Variants in ZNF236 observed in about 807,000 individuals in gnomAD.
The protein encoded by ZNF236 is regulated by glucose.
A neutral mutation model predicts 191.2 loss-of-function variants in ZNF236; 50 were observed. The ratio of observed to expected loss-of-function variants is 0.26; its 90% CI spans 0.21 to 0.33. The LOEUF (loss-of-function observed/expected upper bound fraction) is 0.33, where lower values mean the gene tolerates loss of function less well. Among genes scored for constraint, ZNF236 ranks in the 10% least tolerant of loss-of-function variants. The pLI is 1.00. For missense variants in ZNF236, 1,754 were observed against 2,374.5 expected, an observed-to-expected ratio of 0.74 and a Z score of 5.43; for synonymous variants, 907 against 928.8, an observed-to-expected ratio of 0.98 and a Z score of 0.43.
rs1438069246 is a variant in ZNF236, at chr18:76,880,016, C to T, written c.985-97C>T. ...TTAGGATACTCTTAGATTTTAACAC[C>T]CTTAAGGAGGGTATTGCCTGTTTTT... On this transcript the variant is annotated intron_variant, in intron 7 of 30. Coordinates refer to ENST00000320610, the MANE Select transcript of ZNF236 (RefSeq NM_001306089.2). The surrounding 1 kb of genome is among the most constrained non-coding windows in gnomAD (Gnocchi z 5.0). 2.7e-6 allele frequency: 3 copies of T among 1,112,182 alleles called. No individual in the cohort carries two copies. The highest frequency in any genetic ancestry group is 2.7e-5 in the Admixed American group (1 of 37,714). The allele number at this position is 1,112,182 out of a possible 1,614,324, so 68.9% of individuals were successfully genotyped here. A position where few individuals can be genotyped will look rare whatever the true frequency, so the allele number is the denominator to read the frequency against.
intron 10 of ZNF236, among the ~76,000 whole-genome samples, chr18:76,896,098 A>G (rs1368915472): frequency 6.6e-6 from 1 of 150,712 alleles, no homozygotes; most frequent in African/African-American, 2.4e-5. Context: ...GGTACCGCAC[A>G]CAGTTACCAA....
chr18:76,936,151 CGT>C (rs34003753), intron 25 of ZNF236: 173,054 of 451,272 alleles, frequency 0.38, 34,300 homozygotes, highest in East Asian at 0.53. Context: ...CTGACAGGCG[CGT>C]GTTTCTTTTG....
Position 76,919,716 on chromosome 18 carries a change from T to A in ZNF236, c.3275-60T>A, listed in dbSNP as rs1379029033. On this transcript the variant is annotated intron_variant, in intron 19 of 30. Transcript: ENST00000320610. This position sits in a 1 kb window ranked among gnomAD's most constrained non-coding sequence, Gnocchi z 5.3. ...CATACCTATTTAGTTTTAATTGTTT[T>A]GCTAAAAACCTAGGTTTTCTTCATT... 1 of 1,578,624 alleles carries A rather than the reference T, an allele frequency of 6.3e-7. No individual in the cohort carries two copies. Among genetic ancestry groups the A allele is most frequent in the African/African-American group, 1.4e-5 (1 of 73,672 alleles).
chr18:76,927,615 T>G lies in ZNF236; in HGVS notation c.4414+98T>G, dbSNP rs1358087790. On this transcript the variant is annotated intron_variant, in intron 24 of 30. Coordinates refer to ENST00000320610, the MANE Select transcript of ZNF236 (RefSeq NM_001306089.2). This position sits in a 1 kb window ranked among gnomAD's most constrained non-coding sequence, Gnocchi z 5.4. The stretch of plus-strand genomic sequence containing the variant: ...TTTAGGATGTTATGATGTCATTTTC[T>G]TCTCTTTGTAGAAGAGAATAAATCA... 1 of 1,452,840 alleles carries G rather than the reference T, an allele frequency of 6.9e-7. No homozygotes were observed. Among genetic ancestry groups the G allele is most frequent in the Non-Finnish European group, 9.2e-7 (1 of 1,087,738 alleles). 90.0% of individuals were successfully genotyped at this position (1,452,840 alleles called of 1,614,324 possible). A position where few individuals can be genotyped will look rare whatever the true frequency, so the allele number is the denominator to read the frequency against.
Position 76,892,410 on chromosome 18 carries a change from A to T in ZNF236, c.1418-2603A>T, listed in dbSNP as rs540912552. ...TAGTGGACTTTTCTCCCTGACTTTA[A>T]TATATTTTTCTATTAAGTTGAATGT... is the stretch of plus-strand genomic sequence containing the variant. On this transcript the variant is annotated intron_variant, in intron 9 of 30. Coordinates refer to ENST00000320610, the MANE Select transcript of ZNF236 (RefSeq NM_001306089.2). 1.5e-3 allele frequency among the ~76,000 whole-genome samples: 225 copies of T among 151,814 alleles called. 1 individual carries two copies. Among genetic ancestry groups the T allele is most frequent in the African/African-American group, 4.9e-3 (205 of 41,494 alleles).
intron 27 of ZNF236, among the ~76,000 whole-genome samples, chr18:76,948,079 C>T (rs527818772): frequency 2.6e-5 from 4 of 152,022 alleles, no homozygotes; most frequent in South Asian, 4.2e-4. Context: ...CGTGTGTGTG[C>T]GCGCGCGTGT....
rs1454219576 is a variant in ZNF236 at position 76,849,635 on chromosome 18, A to G, written c.165A>G (p.Gln55=). ...LLSFPKESQF[Q]RHMRDHERND... is the part of the protein sequence containing the mutation. ...CTTTTCCAAAAGAATCCCAGTTTCAACGCCACATGAGGGATCACGAGCGAA... is the reference window on the plus strand; with the variant it reads ...CTTTTCCAAAAGAATCCCAGTTTCAGCGCCACATGAGGGATCACGAGCGAA... The change falls in exon 2 of 31, where the codon CAA becomes CAG. Residue 55 remains glutamine, a synonymous_variant. Transcript: ENST00000320610. 2.5e-6 allele frequency: 4 copies of G among 1,608,814 alleles called. No individual in the cohort carries two copies. Among genetic ancestry groups the G allele is most frequent in the African/African-American group, 2.7e-5 (2 of 74,786 alleles).
chr18:76,905,028 C>T (rs993320915), intron 12 of ZNF236, 127 bp from the exon 13 acceptor site: 75 of 1,031,002 alleles, frequency 7.3e-5, no homozygotes, highest in Middle Eastern at 3.1e-4. Flanking sequence ...TGGAGAGCTC[C>T]GGCATTGCTG....
rs371089305 is a variant in ZNF236, at chr18:76,852,076, T to G, written c.363+137T>G. ...TTCAAGGAGTGAATTGTCATTAGAT[T>G]TGCCTTGACACCAGTTGACTGATAA... On this transcript the variant is annotated intron_variant, in intron 3 of 30. Coordinates refer to ENST00000320610, the MANE Select transcript of ZNF236 (RefSeq NM_001306089.2). 1.1e-3 allele frequency: 982 copies of G among 864,876 alleles called. 21 individuals are homozygous for G. In the South Asian group the frequency reaches 0.018, roughly 16 times the overall value. The allele number at this position is 864,876 out of a possible 1,614,324, so 53.6% of individuals were successfully genotyped here.
chr18:76,905,856 T>G (rs936672568), intron 13 of ZNF236, among the ~76,000 whole-genome samples: 11 of 152,248 alleles, frequency 7.2e-5, no homozygotes, highest in African/African-American at 2.7e-4. Flanking sequence ...TTTTAGATAT[T>G]CCATAAACTT....
intron 1 of ZNF236, among the ~76,000 whole-genome samples, chr18:76,846,454 G>A (rs1168198444): frequency 6.6e-6 from 1 of 152,228 alleles, no homozygotes; most frequent in Admixed American, 6.5e-5. Context: ...AGGTGTCAGG[G>A]TGGAAGGTGC....
Position 76,959,836 on chromosome 18 carries a change from T to C in ZNF236, c.5242+20T>C. 6.2e-7 allele frequency: 1 copy of C among 1,609,820 alleles called. No individual in the cohort carries two copies. Among genetic ancestry groups the C allele is most frequent in the Non-Finnish European group, 8.5e-7 (1 of 1,177,332 alleles). ...ATACAGGTAACGGGGAAGGACGTGC[T>C]TTTGTTTCCTTACTCTTTGAAGTAG... On this transcript the variant is annotated intron_variant, in intron 29 of 30. Coordinates refer to ENST00000320610, the MANE Select transcript of ZNF236 (RefSeq NM_001306089.2).
At chr18:76,933,110 C>T (rs1020857359) in intron 25 of ZNF236, among the ~76,000 whole-genome samples, 2 of 152,196 alleles carry the variant, frequency 1.3e-5, no homozygotes, top group Non-Finnish European at 2.9e-5. Context: ...TCTGTATAAA[C>T]AGCAACATAC....
intron 9 of ZNF236, among the ~76,000 whole-genome samples, chr18:76,889,925 T>G (rs1468192672): frequency 1.3e-5 from 2 of 152,200 alleles, no homozygotes; most frequent in African/African-American, 2.4e-5. Flanking sequence ...ATGTTATTTT[T>G]TAGGTTACTT....
chr18:76,909,579 A>T (rs1967160989), intron 14 of ZNF236, among the ~76,000 whole-genome samples: 1 of 152,202 alleles, frequency 6.6e-6, no homozygotes, highest in African/African-American at 2.4e-5. Flanking sequence ...TTTGGCTACA[A>T]AACACAATGT....
intron 1 of ZNF236, among the ~76,000 whole-genome samples, chr18:76,827,434 C>T (rs988384812): frequency 1.3e-5 from 2 of 152,222 alleles, no homozygotes; most frequent in Admixed American, 6.5e-5. Flanking sequence ...GATCCCCCCA[C>T]GTGGCCTCCC....
intron 27 of ZNF236, among the ~76,000 whole-genome samples, chr18:76,948,291 A>G (rs1599419451): frequency 1.3e-5 from 2 of 152,146 alleles, no homozygotes; most frequent in Non-Finnish European, 2.9e-5. Context: ...TGAGTTTTCA[A>G]AATAATGACT....
rs367741895 is a variant in ZNF236 at position 76,937,208 on chromosome 18, G to A, written c.4647G>A (p.Ser1549=). 7.5e-5 allele frequency: 121 copies of A among 1,613,982 alleles called. 1 individual carries two copies. The highest frequency in any genetic ancestry group is 2.0e-4 in the African/African-American group (15 of 74,958). Residue 1549 remains serine, a synonymous_variant, in exon 26 of 31, where the codon TCG becomes TCA. Transcript: ENST00000320610. ...CTTCAACAACACCGATGTCTCCATC[G>A]GCCATCTCGACTCAGAACCTGGTCA... The part of the protein sequence containing the change: ...SLPSTTPMSP[S]AISTQNLVMS...
At position 76,840,225 on chromosome 18, in the gene ZNF236, T is replaced by C. The variant is rs886340759; in HGVS notation, c.56-9301T>C. Reference sequence around the variant, plus strand: ...AATGAGGGAGACCGGCCGGGTGCGGTGGCTCACGCCTGTGATCCCAGCACT... The same window carrying C: ...AATGAGGGAGACCGGCCGGGTGCGGCGGCTCACGCCTGTGATCCCAGCACT... On this transcript the variant is annotated intron_variant, in intron 1 of 30. Coordinates refer to ENST00000320610, the MANE Select transcript of ZNF236 (RefSeq NM_001306089.2). Among the ~76,000 whole-genome samples the C allele has an allele frequency of 3.5e-4, 54 of 152,332 alleles. 1 individual carries two copies. Among genetic ancestry groups the C allele is most frequent in the African/African-American group, 1.2e-3 (48 of 41,582 alleles).
Sources: allele counts gnomAD v4.1 joint callset (sites outside exome capture counted in the v4.1 genomes callset), GRCh38; gene constraint gnomAD v4.1.1; non-coding constraint Gnocchi (gnomAD v3.1); transcripts MANE v1.5; gene names NCBI Gene and HGNC (gene_info 2026-07-23, HGNC 2026-07-21).